Variants in GABRB3 observed in about 807,000 individuals in gnomAD.
The protein encoded by GABRB3 is gamma-aminobutyric acid receptor subunit beta-3.
GABRB3 carries 14 observed loss-of-function variants against 52.1 expected under a neutral mutation model. The observed-to-expected ratio is 0.27, with a 90% CI of 0.18 to 0.42. GABRB3 has a LOEUF of 0.42. Ranked by LOEUF, GABRB3 falls within the 10% of genes least tolerant of loss-of-function variation. The pLI, the probability that GABRB3 is intolerant of heterozygous loss-of-function variation, is 1.00. For missense variants in GABRB3, 307 were observed against 609.1 expected (o/e 0.50, Z 5.22); for synonymous variants, 260 against 232.3 (o/e 1.12, Z -1.08).
At chr15:26,718,776 C>T (rs747629520) in intron 3 of GABRB3, among the ~76,000 whole-genome samples, 1 of 152,154 alleles carries the variant, frequency 6.6e-6, no homozygotes, top group Non-Finnish European at 1.5e-5. Context: ...TTCAAAAATG[C>T]CAACTTAATC....
chr15:26,680,414 C>T (rs771323394), intron 3 of GABRB3, among the ~76,000 whole-genome samples: 12 of 152,046 alleles, frequency 7.9e-5, no homozygotes, highest in Admixed American at 5.9e-4. Flanking sequence ...AAGAACTGGC[C>T]TCCTAGTCCT....
chr15:26,579,009 T>C (rs528863178), intron 6 of GABRB3, among the ~76,000 whole-genome samples: 11 of 152,344 alleles, frequency 7.2e-5, no homozygotes, highest in African/African-American at 2.6e-4. Context: ...AAAGTGGCAC[T>C]GCATAGAAAA....
intron 4 of GABRB3, among the ~76,000 whole-genome samples, chr15:26,584,109 G>A (rs960212858): frequency 3.9e-5 from 6 of 152,120 alleles, no homozygotes; most frequent in African/African-American, 1.4e-4. Flanking sequence ...TGTGTGTGAC[G>A]AAAATGCAAA....
chr15:26,567,258 T>C (rs1473355024), intron 7 of GABRB3, among the ~76,000 whole-genome samples: 1 of 152,234 alleles, frequency 6.6e-6, no homozygotes. Flanking sequence ...AAGTCTTCTT[T>C]CTGGGCCATG....
At chr15:26,742,172 CT>C (rs911022984) in intron 3 of GABRB3, among the ~76,000 whole-genome samples, 12 of 152,104 alleles carry the variant, frequency 7.9e-5, no homozygotes, top group African/African-American at 2.9e-4. Flanking sequence ...ATCATTGATA[CT>C]GACTGCCTCC....
intron 3 of GABRB3, among the ~76,000 whole-genome samples, chr15:26,742,699 C>T (rs1348725170): frequency 1.3e-5 from 2 of 152,196 alleles, no homozygotes; most frequent in African/African-American, 4.8e-5. Context: ...CTGACCTGCC[C>T]TCGTTTCCAA....
rs534737456 is a variant in GABRB3, at chr15:26,737,215, G to A, written c.240+35187C>T. Among the ~76,000 whole-genome samples, 6 of 152,286 alleles carry A rather than the reference G, an allele frequency of 3.9e-5. No individual in the cohort carries two copies. The South Asian group carries it at 6.2e-4, about 16-fold the overall frequency. On this transcript the variant is annotated intron_variant, in intron 3 of 8. Coordinates refer to ENST00000311550, the MANE Select transcript of GABRB3 (RefSeq NM_000814.6). ...ATTCTGGTGCATGCTTCAAAAGGCT[G>A]GGACCTCAAAAGCAGTGATGACTCG... is the stretch of plus-strand genomic sequence containing the variant.
At chr15:26,732,292 AGATGGATGGATGGATG>A (rs5811444) in intron 3 of GABRB3, among the ~76,000 whole-genome samples, 35,319 of 146,804 alleles carry the variant, frequency 0.24, 4,332 homozygotes, top group South Asian at 0.27. Flanking sequence ...ATGGATGGAT[AGATGGATGGATGGATG>A]GATGGATGGA....
chr15:26,750,808 C>G (rs916274241), intron 3 of GABRB3, among the ~76,000 whole-genome samples: 1 of 152,106 alleles, frequency 6.6e-6, no homozygotes, highest in Non-Finnish European at 1.5e-5. Context: ...GTGAAGAAGT[C>G]AAGGCAATGC....
chr15:26,621,334 C>A lies in GABRB3; in HGVS notation c.441G>T (p.Gly147=). 2 of 1,613,774 alleles carry A rather than the reference C, an allele frequency of 1.2e-6. No individual in the cohort carries two copies. The highest frequency in any genetic ancestry group is 1.7e-6 in the Non-Finnish European group (2 of 1,180,002). The stretch of plus-strand genomic sequence containing the variant: ...CAGACCTGAGCCCATACAGCACTGT[C>A]CCATCAGGGTGAAGACGGATCATGC... ...KNRMIRLHPD[G]TVLYGLRITT... Residue 147 remains glycine (G), a synonymous_variant, in exon 4 of 9, where the codon GGG becomes GGT. Coordinates refer to ENST00000311550, the MANE Select transcript of GABRB3 (RefSeq NM_000814.6). The surrounding 1 kb of genome is among the most constrained non-coding windows in gnomAD (Gnocchi z 4.1).
At chr15:26,743,658 G>A (rs1369213125) in intron 3 of GABRB3, among the ~76,000 whole-genome samples, 2 of 152,108 alleles carry the variant, frequency 1.3e-5, no homozygotes, top group Non-Finnish European at 2.9e-5. Flanking sequence ...TGTATGTTTT[G>A]TTACTCAGCA....
chr15:26,684,559 G>C (rs745360530), intron 3 of GABRB3, among the ~76,000 whole-genome samples: 3 of 152,154 alleles, frequency 2.0e-5, no homozygotes, highest in African/African-American at 7.2e-5. Context: ...TTCTCACTAA[G>C]CTTAATCATT....
At chr15:26,726,848 G>A (rs1161287682) in intron 3 of GABRB3, among the ~76,000 whole-genome samples, 1 of 152,134 alleles carries the variant, frequency 6.6e-6, no homozygotes, top group African/African-American at 2.4e-5. Flanking sequence ...TTGAGATTGT[G>A]CAGGTATTTT....
At chr15:26,744,985 T>C (rs1255458462) in intron 3 of GABRB3, among the ~76,000 whole-genome samples, 1 of 152,196 alleles carries the variant, frequency 6.6e-6, no homozygotes, top group African/African-American at 2.4e-5. Flanking sequence ...AGCATGGTGC[T>C]AGAGAGGCCT....
At chr15:26,563,412 AG>A (rs58555643) in intron 7 of GABRB3, among the ~76,000 whole-genome samples, 8,027 of 152,244 alleles carry the variant, frequency 0.053, 711 homozygotes, top group African/African-American at 0.18. Context: ...TTAGCTTAAG[AG>A]GCCAATGCAT....
At chr15:26,555,313 G>C (rs997106921) in intron 8 of GABRB3, among the ~76,000 whole-genome samples, 2 of 152,128 alleles carry the variant, frequency 1.3e-5, no homozygotes, top group African/African-American at 4.8e-5. Context: ...CAATGGAAGG[G>C]GAATGGGTCA....
intron 6 of GABRB3, among the ~76,000 whole-genome samples, chr15:26,577,016 T>C (rs771082135): frequency 6.6e-6 from 1 of 152,106 alleles, no homozygotes; most frequent in Non-Finnish European, 1.5e-5. Flanking sequence ...ATTTCCAGCA[T>C]GAAGCTTGAG....
At chr15:26,737,072 G>A (rs1566824330) in intron 3 of GABRB3, among the ~76,000 whole-genome samples, 1 of 152,170 alleles carries the variant, frequency 6.6e-6, no homozygotes, top group Non-Finnish European at 1.5e-5. Context: ...AAGTGCTGTC[G>A]CAATGAGAGA....
intron 3 of GABRB3, among the ~76,000 whole-genome samples, chr15:26,664,861 C>T (rs1195362821): frequency 6.6e-6 from 1 of 151,752 alleles, no homozygotes; most frequent in African/African-American, 2.4e-5. Flanking sequence ...ACACCACGCC[C>T]AGCTAATTTT....
Sources: gnomAD v4.1 joint callset for allele counts (sites outside exome capture counted in the v4.1 genomes callset) on GRCh38, gnomAD v4.1.1 for gene constraint, Gnocchi (gnomAD v3.1) non-coding constraint, MANE v1.5 for transcripts, NCBI Gene and HGNC (gene_info 2026-07-23, HGNC 2026-07-21) for gene names.